Variants in GRAMD4 observed in about 807,000 individuals in gnomAD.
GRAMD4 encodes GRAM domain-containing protein 4.
GRAMD4 carries 25 observed loss-of-function variants against 83.9 expected under a neutral mutation model. That is an observed-to-expected ratio of 0.30 (90% confidence interval 0.22 to 0.42). The LOEUF (loss-of-function observed/expected upper bound fraction) is 0.42. Among genes scored for constraint, GRAMD4 ranks in the 10% least tolerant of loss-of-function variants. The pLI, the probability that GRAMD4 is intolerant of heterozygous loss-of-function variation, is 1.00. For missense variants in GRAMD4, 593 were observed against 788.7 expected, an observed-to-expected ratio of 0.75 and a Z score of 2.97; for synonymous variants, 336 against 320.9, an observed-to-expected ratio of 1.05 and a Z score of -0.50.
At chr22:46,664,004 C>T in intron 7 of GRAMD4, 22 bp from the exon 8 acceptor site, 1 of 1,601,834 alleles carries the variant, frequency 6.2e-7, no homozygotes, top group Non-Finnish European at 8.6e-7. Context: ...GTGCTGACCA[C>T]TGTGGTCTGC....
rs2081667930 is a variant in GRAMD4 at position 46,626,833 on chromosome 22, G to A, written c.34G>A (p.Gly12Ser). The A allele has an allele frequency of 6.2e-7, 1 of 1,613,904 alleles. No individual in the cohort carries two copies. The highest frequency in any genetic ancestry group is 8.5e-7 in the Non-Finnish European group (1 of 1,179,764). Residue 12 changes from glycine to serine, a missense_variant, in exon 2 of 19, where the codon GGT (glycine) becomes AGT (serine). By Grantham distance (56) the Gly-to-Ser change is moderately conservative. Coordinates refer to ENST00000406902, the MANE Select transcript of GRAMD4 (RefSeq NM_015124.5). ...GAGGTTGGACAAAATCAGGTTCAGA[G>A]GTCACAAGAGAGATGACTTCCTCGA... ...LRRLDKIRFR[G>S]HKRDDFLDLA...
At chr22:46,627,000 G>A (rs2081672991) in intron 2 of GRAMD4, 39 bp downstream of exon 2, 4 of 1,445,962 alleles carry the variant, frequency 2.8e-6, no homozygotes, top group South Asian at 1.1e-5. Flanking sequence ...GGGCTGGGGT[G>A]TCGTCCCCGT....
At chr22:46,641,348 C>G (rs890224222) in intron 3 of GRAMD4, among the ~76,000 whole-genome samples, 1 of 152,002 alleles carries the variant, frequency 6.6e-6, no homozygotes, top group Non-Finnish European at 1.5e-5. Context: ...GTTAGGATTA[C>G]AGGTGTGAGC....
Position 46,672,985 on chromosome 22 carries a change from A to G in GRAMD4, c.1227A>G (p.Ala409=), listed in dbSNP as rs144925706. Reference sequence around the variant, plus strand: ...AGCTCAAGGAGCGCTCCAGCGCCGCAGTCTCACGCAGGGTGAGCCCGGCCC... The same window carrying G: ...AGCTCAAGGAGCGCTCCAGCGCCGCGGTCTCACGCAGGGTGAGCCCGGCCC... ...DPQLKERSSA[A]VSRRLQTTSS... Residue 409 remains alanine (A), a synonymous_variant, in exon 14 of 19, where the codon GCA becomes GCG. Coordinates refer to ENST00000406902, the MANE Select transcript of GRAMD4 (RefSeq NM_015124.5). The surrounding 1 kb of genome is among the most constrained non-coding windows in gnomAD (Gnocchi z 4.7). 2.7e-4 allele frequency: 425 copies of G among 1,600,454 alleles called. No individual in the cohort carries two copies. The African/African-American group carries it at 4.7e-3, about 18-fold the overall frequency.
upstream of GRAMD4, among the ~76,000 whole-genome samples, chr22:46,618,618 A>G (rs1569264580): frequency 6.6e-6 from 1 of 152,062 alleles, no homozygotes; most frequent in African/African-American, 2.4e-5. The surrounding 1 kb of genome is among the most constrained non-coding windows in gnomAD (Gnocchi z 5.8). Flanking sequence ...GCAGAGGCTG[A>G]TTTTGCCTTT....
intron 4 of GRAMD4, among the ~76,000 whole-genome samples, chr22:46,660,826 C>G (rs1012488340): frequency 6.6e-6 from 1 of 152,226 alleles, no homozygotes; most frequent in African/African-American, 2.4e-5. Flanking sequence ...GGGGCGACCA[C>G]ACAGCACTTG....
At chr22:46,665,845 A>G in intron 9 of GRAMD4, 139 bp downstream of exon 9, 1 of 610,818 alleles carries the variant, frequency 1.6e-6, no homozygotes. Context: ...CAGGCTCCAG[A>G]GACCCCCCAG....
At position 46,628,921 on chromosome 22, in the gene GRAMD4, C is replaced by T. The variant is rs191397214; in HGVS notation, c.162+1960C>T. 7.5e-4 allele frequency among the ~76,000 whole-genome samples: 114 copies of T among 151,792 alleles called. 1 individual carries two copies. Among genetic ancestry groups the T allele is most frequent in the African/African-American group, 2.5e-3 (104 of 41,356 alleles). On this transcript the variant is annotated intron_variant, in intron 2 of 18. Coordinates refer to ENST00000406902, the MANE Select transcript of GRAMD4 (RefSeq NM_015124.5). ...TGCTGGCGTCACAGGAGAGGCAGGCCGTGGTCTGGACCAGCTCTGGTGGGC... is the reference window on the plus strand; with the variant it reads ...TGCTGGCGTCACAGGAGAGGCAGGCTGTGGTCTGGACCAGCTCTGGTGGGC...
At chr22:46,603,103 T>C (rs998074084) in intron 1 of GRAMD4, among the ~76,000 whole-genome samples, 2 of 152,034 alleles carry the variant, frequency 1.3e-5, no homozygotes, top group Admixed American at 6.6e-5. Context: ...TTGTGGTGTG[T>C]GTTGAAATTT....
intron 1 of GRAMD4, among the ~76,000 whole-genome samples, chr22:46,626,162 G>A (rs2081655500): frequency 1.3e-5 from 2 of 152,196 alleles, no homozygotes; most frequent in Non-Finnish European, 2.9e-5. Flanking sequence ...GAGCAGGTGG[G>A]ACACAAGGCC....
At chr22:46,657,681 G>A (rs1002470751) in intron 3 of GRAMD4, among the ~76,000 whole-genome samples, 3 of 152,178 alleles carry the variant, frequency 2.0e-5, no homozygotes, top group Non-Finnish European at 4.4e-5. Flanking sequence ...AGCCTGCCCC[G>A]TGCTCTTCTC....
At chr22:46,595,501 T>C (rs6007943) in intron 1 of GRAMD4, among the ~76,000 whole-genome samples, 100,628 of 152,022 alleles carry the variant, frequency 0.66, 33,899 homozygotes, top group African/African-American at 0.73. Context: ...GTGGTCAGTA[T>C]GGGCACAGAG....
intron 3 of GRAMD4, among the ~76,000 whole-genome samples, chr22:46,639,149 CGTGAGT>C (rs746837621): frequency 3.7e-4 from 44 of 119,456 alleles, no homozygotes; most frequent in Non-Finnish European, 4.5e-4. Context: ...ACGGTGTGTG[CGTGAGT>C]GTGTGTGTGT....
chr22:46,587,215 G>C (rs542574768), intron 1 of GRAMD4, among the ~76,000 whole-genome samples: 11 of 152,288 alleles, frequency 7.2e-5, no homozygotes, highest in African/African-American at 2.6e-4. Context: ...GTGTGTGCCC[G>C]CTGGGCTGTG....
chr22:46,635,498 GA>G (rs1359514837), intron 2 of GRAMD4, among the ~76,000 whole-genome samples: 1 of 99,750 alleles, frequency 1.0e-5, no homozygotes, highest in Non-Finnish European at 2.1e-5. Flanking sequence ...CCTGTCCTGG[GA>G]GGCCCTATCC....
At chr22:46,616,690 G>T (rs1247381629), upstream of GRAMD4, among the ~76,000 whole-genome samples, 1 of 124,394 alleles carries the variant, frequency 8.0e-6, no homozygotes, top group Admixed American at 8.3e-5. Flanking sequence ...GTGCGTGTAG[G>T]TTCCCCTGTG....
intron 8 of GRAMD4, 111 bp downstream of exon 8, chr22:46,664,228 C>G (rs1406969405): frequency 1.3e-6 from 1 of 776,518 alleles, no homozygotes; most frequent in Non-Finnish European, 2.3e-6. Flanking sequence ...GTGGCACTTC[C>G]TCAGGCCCCA....
chr22:46,663,761 A>G lies in GRAMD4; in HGVS notation c.600-77A>G, dbSNP rs904959462. On this transcript the variant is annotated intron_variant, in intron 6 of 18. Transcript: ENST00000406902. Reference sequence around the variant, plus strand: ...GTCCTCCCTGGCCCCTGCAGAGCCAACGGAACCGGGCAGTGGGGACTGCAG... The same window carrying G: ...GTCCTCCCTGGCCCCTGCAGAGCCAGCGGAACCGGGCAGTGGGGACTGCAG... 36 of 1,456,612 alleles carry G rather than the reference A, an allele frequency of 2.5e-5. 1 individual carries two copies. In the Admixed American group the frequency reaches 4.0e-4, roughly 16 times the overall value. The allele number at this position is 1,456,612 out of a possible 1,614,324, so 90.2% of individuals were successfully genotyped here.
Position 46,661,430 on chromosome 22 carries a change from A to G in GRAMD4, c.454A>G (p.Ser152Gly), listed in dbSNP as rs1357438933. The change falls in exon 5 of 19, where the codon AGC becomes GGC. Residue 152 changes from serine to glycine, a missense_variant. This residue lies in a region of GRAMD4 where 312 missense variants were observed against 350.7 expected (regional missense o/e 0.89). Transcript: ENST00000406902. ...GCCCCCAAAAGGGCAGGCCCAGGCC[A>G]GCAATGGAGCAGGTACACCCTGGTG... ...QQPPKGQAQA[S>G]NGAERRSQGL... 1 of 1,609,232 alleles carries G rather than the reference A, an allele frequency of 6.2e-7. No homozygotes were observed. The highest frequency in any genetic ancestry group is 1.1e-5 in the South Asian group (1 of 91,058).
Sources: allele counts gnomAD v4.1 joint callset (sites outside exome capture counted in the v4.1 genomes callset), GRCh38; gene constraint gnomAD v4.1.1; regional missense constraint gnomAD v4.1.1; non-coding constraint Gnocchi (gnomAD v3.1); transcripts MANE v1.5; gene names NCBI Gene and HGNC (gene_info 2026-07-23, HGNC 2026-07-21).